The following ATAD2 variants were observed in gnomAD, a reference collection of about 807,000 sequenced individuals.
ATAD2 encodes ATPase family AAA domain-containing protein 2.
ATAD2 carries 62 observed loss-of-function variants against 168.9 expected under a neutral mutation model. That is an observed-to-expected ratio of 0.37 (90% CI 0.30 to 0.45). ATAD2 has a LOEUF of 0.45. Among genes scored for constraint, ATAD2 ranks in the 20% least tolerant of loss-of-function variants. The pLI, the probability that ATAD2 is intolerant of heterozygous loss-of-function variation, is 1.00. For synonymous variants in ATAD2, 613 were observed against 571.6 expected, an observed-to-expected ratio of 1.07 and a Z score of -1.03; for missense variants, 1,419 against 1,667.8, an observed-to-expected ratio of 0.85 and a Z score of 2.60.
rs1054802786 is a variant in ATAD2 at position 123,348,211 on chromosome 8, A to G, written c.1869T>C (p.Phe623=). 1 of 1,600,242 alleles carries G rather than the reference A, an allele frequency of 6.2e-7. No homozygotes were observed. Among genetic ancestry groups the G allele is most frequent in the African/African-American group, 1.3e-5 (1 of 74,090 alleles). Residue 623 remains phenylalanine (F), a synonymous_variant, in exon 15 of 28, where the codon TTT becomes TTC. Coordinates refer to ENST00000287394, the MANE Select transcript of ATAD2 (RefSeq NM_014109.4). ...RDWNPKPLDT[F]LEELAENCVG... is the part of the protein sequence containing the mutation. ...CACAGTTTTCTGCTAGCTCTTCTAAAAATGTGTCCAGTGGTTTGGGATTCC... is the reference window on the plus strand; with the variant it reads ...CACAGTTTTCTGCTAGCTCTTCTAAGAATGTGTCCAGTGGTTTGGGATTCC...
chr8:123,413,767 C>T (rs1813198298), intron 1 of ATAD2, among the ~76,000 whole-genome samples: 1 of 151,974 alleles, frequency 6.6e-6, no homozygotes, highest in Non-Finnish European at 1.5e-5. Context: ...AGATGGAAGC[C>T]AACAATAAAC....
chr8:123,390,982 T>A (rs1829810865), intron 1 of ATAD2, among the ~76,000 whole-genome samples: 1 of 151,906 alleles, frequency 6.6e-6, no homozygotes, highest in Non-Finnish European at 1.5e-5. Flanking sequence ...ATTGCGCCAC[T>A]GCATTCTAGC....
Position 123,361,625 on chromosome 8 carries a change from A to G in ATAD2, c.1071T>C (p.Ser357=). The G allele has an allele frequency of 6.2e-7, 1 of 1,611,634 alleles. No homozygotes were observed. Among genetic ancestry groups the G allele is most frequent in the Non-Finnish European group, 8.5e-7 (1 of 1,178,100 alleles). ...AGGAGGAAGATGAAGTCGAGTCACTACTGTGGATTGCATGCCTTCGCCTAA... is the reference window on the plus strand; with the variant it reads ...AGGAGGAAGATGAAGTCGAGTCACTGCTGTGGATTGCATGCCTTCGCCTAA... ...RMNRRRHAIH[S]SDSTSSSSSE... is the part of the protein sequence containing the mutation. Residue 357 remains serine (S), a synonymous_variant, in exon 9 of 28, where the codon AGT becomes AGC. Coordinates refer to ENST00000287394, the MANE Select transcript of ATAD2 (RefSeq NM_014109.4).
chr8:123,328,184 A>G lies in ATAD2; in HGVS notation c.3868+6T>C. On this transcript the variant is annotated splice_donor_region_variant and intron_variant, in intron 25 of 27. Transcript: ENST00000287394. ...CAGTAAATTATTTTAATTGAAAAAG[A>G]CGTACCTTTTCCTTCATTTTCATCA... is the stretch of plus-strand genomic sequence containing the variant. 1 of 1,371,788 alleles carries G rather than the reference A, an allele frequency of 7.3e-7. No homozygotes were observed. Among genetic ancestry groups the G allele is most frequent in the Non-Finnish European group, 9.5e-7 (1 of 1,058,124 alleles). The allele number at this position is 1,371,788 out of a possible 1,614,324, so 85.0% of individuals were successfully genotyped here.
chr8:123,402,123 C>T lies in ATAD2; in HGVS notation c.-2281-948G>A, dbSNP rs559639235. 56 of 889,912 alleles carry T rather than the reference C, an allele frequency of 6.3e-5. No individual in the cohort carries two copies. In the African/African-American group the frequency reaches 6.6e-4, roughly 11 times the overall value. The allele number at this position is 889,912 out of a possible 1,614,324, so 55.1% of individuals were successfully genotyped here. On this transcript the variant is annotated intron_variant, in intron 1 of 28. Coordinates refer to the ATAD2 transcript ENST00000521903. The surrounding 1 kb of genome is among the most constrained non-coding windows in gnomAD (Gnocchi z 4.8). ...CGGCTGTACTGACAGCAGTGGAGGC[C>T]GAGGTGGTGGAGGGGGCACCCCCCA...
intron 19 of ATAD2, among the ~76,000 whole-genome samples, chr8:123,342,045 C>T (rs190739099): frequency 4.6e-5 from 7 of 152,260 alleles, no homozygotes; most frequent in Admixed American, 2.0e-4. Context: ...AAGATCGCAC[C>T]CCTACGCTGC....
Position 123,396,367 on chromosome 8 carries a change from C to CT in ATAD2, c.-11dup, listed in dbSNP as rs1812830033. 6.4e-7 allele frequency: 1 copy of CT among 1,565,248 alleles called. No homozygotes were observed. The highest frequency in any genetic ancestry group is 1.8e-5 in the Admixed American group (1 of 56,690). On this transcript the variant is annotated 5_prime_UTR_variant, in exon 1 of 28. Transcript: ENST00000287394. Reference sequence around the variant, plus strand: ...TGCGGAGAACCACCATCTTCTCTCCCTACTGGCCTCGGCGTGCGCGACCGG... The same window carrying CT: ...TGCGGAGAACCACCATCTTCTCTCCCTTACTGGCCTCGGCGTGCGCGACCGG...
In ATAD2 at chr8:123,336,456, T is replaced by C; in HGVS notation, c.3128A>G (p.Tyr1043Cys). The C allele has an allele frequency of 6.3e-7, 1 of 1,578,694 alleles. No individual in the cohort carries two copies. The highest frequency in any genetic ancestry group is 8.6e-7 in the Non-Finnish European group (1 of 1,167,962). ...SVISKIDLHKYLTVKDYLRDI... is the reference protein window; with the variant it reads ...SVISKIDLHKCLTVKDYLRDI... ...TCTCAAATAGTCTTTCACAGTCAGA[T>C]ACTTGTGTAGATCAATTTTACTGAT... The change falls in exon 22 of 28, where the codon TAT becomes TGT. Residue 1043 changes from tyrosine to cysteine, a missense_variant. This residue lies in a region of ATAD2 where 545 missense variants were observed against 724.9 expected (regional missense o/e 0.75). Coordinates refer to ENST00000287394, the MANE Select transcript of ATAD2 (RefSeq NM_014109.4).
intron 25 of ATAD2, among the ~76,000 whole-genome samples, chr8:123,327,053 C>A (rs976088055): frequency 3.9e-5 from 6 of 152,070 alleles, no homozygotes. Context: ...GGACTACAGG[C>A]GTTAGCCACC....
intron 1 of ATAD2, among the ~76,000 whole-genome samples, chr8:123,387,091 T>G (rs1284832767): frequency 1.3e-5 from 2 of 152,080 alleles, no homozygotes; most frequent in East Asian, 3.8e-4. Context: ...ACAGACAACC[T>G]CTTTTAATCT....
At chr8:123,368,031 C>A (rs1318283532) in intron 8 of ATAD2, among the ~76,000 whole-genome samples, 11 of 152,150 alleles carry the variant, frequency 7.2e-5, no homozygotes, top group Admixed American at 7.2e-4. Flanking sequence ...ATTCCCCATA[C>A]AAATAAAATT....
At chr8:123,333,833 G>C (rs1026845218) in intron 24 of ATAD2, 45 bp downstream of exon 24, 1 of 1,537,094 alleles carries the variant, frequency 6.5e-7, no homozygotes, top group Admixed American at 2.0e-5. Flanking sequence ...CATTAGAAAA[G>C]AATAAAGTTA....
chr8:123,338,757 G>A (rs1382011240), intron 20 of ATAD2, among the ~76,000 whole-genome samples: 2 of 152,148 alleles, frequency 1.3e-5, no homozygotes, highest in African/African-American at 4.8e-5. Context: ...TATTTAGCCG[G>A]GCATTTTGGC....
chr8:123,376,263 G>T (rs369407545), intron 2 of ATAD2, among the ~76,000 whole-genome samples: 87 of 152,064 alleles, frequency 5.7e-4, no homozygotes, highest in African/African-American at 2.0e-3. Flanking sequence ...AAAATTAGCT[G>T]GATGTGGTGG....
At chr8:123,377,174 C>A (rs886413108) in intron 2 of ATAD2, among the ~76,000 whole-genome samples, 3 of 147,036 alleles carry the variant, frequency 2.0e-5, no homozygotes, top group Non-Finnish European at 4.5e-5. Context: ...GGTGGGAGGA[C>A]CACTGGATCA....
At chr8:123,364,244 A>T (rs748297502) in intron 8 of ATAD2, among the ~76,000 whole-genome samples, 1 of 152,178 alleles carries the variant, frequency 6.6e-6, no homozygotes, top group Non-Finnish European at 1.5e-5. Context: ...AGAGTTAAGT[A>T]ACTTGCCAAA....
chr8:123,371,911 A>T, intron 3 of ATAD2, 76 bp from the exon 4 acceptor site: 1 of 1,299,286 alleles, frequency 7.7e-7, no homozygotes, highest in South Asian at 1.9e-5. Flanking sequence ...TAAAATGAAC[A>T]ATTGAAAAGC....
At chr8:123,378,956 T>A (rs911214761) in intron 2 of ATAD2, among the ~76,000 whole-genome samples, 1 of 151,932 alleles carries the variant, frequency 6.6e-6, no homozygotes, top group African/African-American at 2.4e-5. Context: ...CATGCCCAGA[T>A]AATTTTTTTA....
At chr8:123,359,459 C>T (rs180952467) in intron 10 of ATAD2, 118 bp downstream of exon 10, 22 of 1,237,104 alleles carry the variant, frequency 1.8e-5, no homozygotes, top group South Asian at 7.9e-5. Flanking sequence ...TAACAGAAAA[C>T]GTCTGTAAAG....
Sources: allele counts gnomAD v4.1 joint callset (sites outside exome capture counted in the v4.1 genomes callset), GRCh38; gene constraint gnomAD v4.1.1; regional missense constraint gnomAD v4.1.1; non-coding constraint Gnocchi (gnomAD v3.1); transcripts MANE v1.5; gene names NCBI Gene and HGNC (gene_info 2026-07-23, HGNC 2026-07-21).